Variants in HTR4 observed in about 807,000 individuals in gnomAD.
The protein encoded by HTR4 is 5-hydroxytryptamine receptor 4, also known as 5-hydroxytryptamine (serotonin) receptor 4, G protein-coupled.
A neutral mutation model predicts 36.8 loss-of-function variants in HTR4; 16 were observed. That is an observed-to-expected ratio of 0.43 (90% CI 0.29 to 0.66). HTR4 has a LOEUF of 0.66. HTR4 is among the 30% of genes least tolerant of loss of function. The pLI, the probability that HTR4 is intolerant of heterozygous loss-of-function variation, is 0.13. For synonymous variants in HTR4, 189 were observed against 185.1 expected, an observed-to-expected ratio of 1.02 and a Z score of -0.17; for missense variants, 438 against 490.9, an observed-to-expected ratio of 0.89 and a Z score of 1.02.
At chr5:148,544,801 G>T (rs1483205553) in intron 4 of HTR4, among the ~76,000 whole-genome samples, 1 of 152,188 alleles carries the variant, frequency 6.6e-6, no homozygotes, top group Non-Finnish European at 1.5e-5. Context: ...TACTAAAGGA[G>T]TCCTACATTT....
At chr5:148,624,141 C>T (rs919664874) in intron 2 of HTR4, among the ~76,000 whole-genome samples, 1 of 152,168 alleles carries the variant, frequency 6.6e-6, no homozygotes, top group Non-Finnish European at 1.5e-5. Context: ...ATAGTAACAG[C>T]TGCAGTAGTA....
In HTR4 at chr5:148,482,169, T is replaced by C. The variant is rs1485867515; in HGVS notation, c.*1034A>G. On this transcript the variant is annotated 3_prime_UTR_variant, in exon 7 of 7. Coordinates refer to ENST00000377888, the MANE Select transcript of HTR4 (RefSeq NM_000870.7). ...ATTGCCTCGGCATCCCCAGTGCTGC[T>C]GGATCCTGCCCTCCTGCACCTTGGG... 1.0e-6 allele frequency: 1 copy of C among 985,612 alleles called. No homozygotes were observed. The highest frequency in any genetic ancestry group is 1.7e-5 in the African/African-American group (1 of 57,244). The allele number at this position is 985,612 out of a possible 1,614,324, so 61.1% of individuals were successfully genotyped here.
At chr5:148,610,329 T>C (rs1292912901) in intron 2 of HTR4, among the ~76,000 whole-genome samples, 2 of 152,204 alleles carry the variant, frequency 1.3e-5, no homozygotes, top group Non-Finnish European at 2.9e-5. Context: ...GCTGGAGATC[T>C]GAGAACGGGC....
chr5:148,608,967 G>A (rs1752293686), intron 2 of HTR4, among the ~76,000 whole-genome samples: 1 of 152,172 alleles, frequency 6.6e-6, no homozygotes, highest in African/African-American at 2.4e-5. Flanking sequence ...TATCAGGAGT[G>A]TTAATAGAAG....
intron 1 of HTR4, among the ~76,000 whole-genome samples, chr5:148,648,331 G>T (rs1753934535): frequency 6.6e-6 from 1 of 152,172 alleles, no homozygotes; most frequent in Non-Finnish European, 1.5e-5. Context: ...GTCGTGCTAG[G>T]TGAACAGATG....
intron 5 of HTR4, among the ~76,000 whole-genome samples, chr5:148,455,946 G>T (rs990871496): frequency 1.3e-5 from 2 of 152,060 alleles, no homozygotes; most frequent in African/African-American, 2.4e-5. Flanking sequence ...GAAGAGGGGG[G>T]TTGGTCTTCC....
intron 6 of HTR4, among the ~76,000 whole-genome samples, chr5:148,492,062 C>T (rs527311623): frequency 6.6e-6 from 1 of 152,186 alleles, no homozygotes; most frequent in Non-Finnish European, 1.5e-5. Flanking sequence ...CTCAAATAAA[C>T]CACGTTGGGC....
intron 5 of HTR4, chr5:148,466,022 A>T: frequency 6.4e-7 from 1 of 1,553,754 alleles, no homozygotes; most frequent in Non-Finnish European, 8.6e-7. Context: ...TAGTAGACAC[A>T]TGATCTCAGC....
intron 3 of HTR4, among the ~76,000 whole-genome samples, chr5:148,549,692 T>C (rs1028577568): frequency 6.6e-6 from 1 of 152,204 alleles, no homozygotes; most frequent in African/African-American, 2.4e-5. Context: ...GACATACTAA[T>C]ACCACACGAT....
intron 6 of HTR4, among the ~76,000 whole-genome samples, chr5:148,489,706 T>TATTGCACG (rs1222661784): frequency 1.3e-5 from 2 of 152,094 alleles, no homozygotes. Context: ...CTTGTATGTT[T>TATTGCACG]ATTGCACGAA....
chr5:148,502,624 G>T (rs1056493381), intron 6 of HTR4, among the ~76,000 whole-genome samples: 2 of 152,200 alleles, frequency 1.3e-5, no homozygotes, highest in African/African-American at 2.4e-5. Context: ...CTCCTCACCA[G>T]AAATGGAACA....
At chr5:148,515,968 A>ATT (rs1489959622) in intron 5 of HTR4, among the ~76,000 whole-genome samples, 4 of 147,490 alleles carry the variant, frequency 2.7e-5, no homozygotes, top group South Asian at 4.3e-4. Flanking sequence ...ACTTTTTTGT[A>ATT]TTATATATAT....
At chr5:148,473,220 C>T (rs531717394), downstream of HTR4, among the ~76,000 whole-genome samples, 34 of 149,812 alleles carry the variant, frequency 2.3e-4, no homozygotes, top group African/African-American at 7.9e-4. Context: ...ATGGCGTGAA[C>T]GCAGAAGGCA....
intron 1 of HTR4, among the ~76,000 whole-genome samples, chr5:148,637,291 T>TG (rs1561663385): frequency 6.6e-6 from 1 of 152,182 alleles, no homozygotes; most frequent in East Asian, 1.9e-4. Context: ...TTAAAACATA[T>TG]GGGTGCTTCT....
chr5:148,647,717 T>C (rs1260760068), intron 1 of HTR4, among the ~76,000 whole-genome samples: 1 of 152,178 alleles, frequency 6.6e-6, no homozygotes, highest in Non-Finnish European at 1.5e-5. Flanking sequence ...GGCGTGGTGT[T>C]GCATGCCTGT....
chr5:148,482,364 A>G lies in HTR4; in HGVS notation c.*839T>C, dbSNP rs1755926697. ...TTGCTAGCCCTGCCCAAGGCTTTTT[A>G]GAAGACGTCCCGTTCTAGCCCAGCA... is the stretch of plus-strand genomic sequence containing the variant. On this transcript the variant is annotated 3_prime_UTR_variant, in exon 7 of 7. Coordinates refer to ENST00000377888, the MANE Select transcript of HTR4 (RefSeq NM_000870.7). 1 of 985,414 alleles carries G rather than the reference A, an allele frequency of 1.0e-6. No individual in the cohort carries two copies. Among genetic ancestry groups the G allele is most frequent in the South Asian group, 4.7e-5 (1 of 21,294 alleles). 61.0% of individuals were successfully genotyped at this position (985,414 alleles called of 1,614,324 possible). A position where few individuals can be genotyped will look rare whatever the true frequency, so the allele number is the denominator to read the frequency against.
intron 2 of HTR4, among the ~76,000 whole-genome samples, chr5:148,573,427 C>T (rs1760759002): frequency 6.6e-6 from 1 of 152,012 alleles, no homozygotes; most frequent in African/African-American, 2.4e-5. Context: ...CTCTGTGATC[C>T]AGAAAGATGG....
chr5:148,479,779 G>A (rs1035594072), downstream of HTR4, among the ~76,000 whole-genome samples: 4 of 152,160 alleles, frequency 2.6e-5, no homozygotes, highest in Non-Finnish European at 5.9e-5. Context: ...TAAGTTTCAT[G>A]TTCTATGTGG....
At chr5:148,506,931 G>T (rs1213562840) in intron 6 of HTR4, among the ~76,000 whole-genome samples, 3 of 152,206 alleles carry the variant, frequency 2.0e-5, no homozygotes, top group South Asian at 2.1e-4. Flanking sequence ...TGGTGGGACT[G>T]TAAACTAGTT....
Sources: allele counts gnomAD v4.1 joint callset (sites outside exome capture counted in the v4.1 genomes callset), GRCh38; gene constraint gnomAD v4.1.1; transcripts MANE v1.5; gene names NCBI Gene and HGNC (gene_info 2026-07-23, HGNC 2026-07-21).